Variants in EMCN observed in about 807,000 individuals in gnomAD.
EMCN encodes the protein MUC-14.
Under a neutral mutation model 38.4 loss-of-function variants are expected in EMCN, and 37 were observed. The ratio of observed to expected loss-of-function variants is 0.96; its 90% CI spans 0.74 to 1.27. The LOEUF is 1.27. EMCN is among the 50% of genes most tolerant of loss of function. EMCN has a pLI of 0.00. For synonymous variants in EMCN, 95 were observed against 100.8 expected, an observed-to-expected ratio of 0.94 and a Z score of 0.35; for missense variants, 318 against 302.8, an observed-to-expected ratio of 1.05 and a Z score of -0.37.
intron 4 of EMCN, among the ~76,000 whole-genome samples, chr4:100,463,245 T>A (rs2110261211): frequency 6.6e-6 from 1 of 152,260 alleles, no homozygotes; most frequent in East Asian, 1.9e-4. Context: ...GGTATTCCTA[T>A]CTCCCAATAT....
chr4:100,514,336 T>C (rs1729701473), intron 1 of EMCN, among the ~76,000 whole-genome samples: 1 of 152,040 alleles, frequency 6.6e-6, no homozygotes, highest in African/African-American at 2.4e-5. Context: ...CACATTCTCC[T>C]TCACTGCCAG....
In EMCN at chr4:100,424,173, T is replaced by C. The variant is rs115093842; in HGVS notation, c.416-769A>G. 6.8e-3 allele frequency among the ~76,000 whole-genome samples: 1,022 copies of C among 151,330 alleles called. 13 individuals carry two copies. The highest frequency in any genetic ancestry group is 0.023 in the African/African-American group (958 of 41,502). On this transcript the variant is annotated intron_variant, in intron 5 of 11. Coordinates refer to ENST00000296420, the MANE Select transcript of EMCN (RefSeq NM_016242.4). ...ATAAGTTTAAAGGAAATATAAATAA[T>C]TAAGTATTGTATAAGTTGAAAACAT...
intron 5 of EMCN, among the ~76,000 whole-genome samples, chr4:100,431,720 CA>C (rs1727204980): frequency 3.3e-5 from 1 of 29,954 alleles, no homozygotes; most frequent in South Asian, 2.5e-3. Flanking sequence ...TCTTACAATA[CA>C]TCTCTCTCTC....
Position 100,465,430 on chromosome 4 carries a change from T to C in EMCN, c.369A>G (p.Lys123=), listed in dbSNP as rs1347867999. The C allele has an allele frequency of 1.9e-6, 3 of 1,593,150 alleles. No homozygotes were observed. In the African/African-American group the frequency reaches 4.0e-5, roughly 21 times the overall value. ...ACAAATCCTCATACTTACTCTTGGG[T>C]TTGGAACTTTGTAATGTTGAAACAG... ...PNAVSTLQSS[K]PKTETQSSIK... is the part of the protein sequence containing the mutation. Residue 123 remains lysine, a synonymous_variant, in exon 4 of 12, where the codon AAA becomes AAG. Transcript: ENST00000296420.
intron 2 of EMCN, among the ~76,000 whole-genome samples, chr4:100,476,291 C>T (rs942327255): frequency 7.5e-5 from 11 of 146,740 alleles, no homozygotes; most frequent in Admixed American, 1.4e-4. Flanking sequence ...TTTTTCTTCT[C>T]TCCTTCTTGC....
At chr4:100,467,577 G>A (rs1439686600) in intron 3 of EMCN, among the ~76,000 whole-genome samples, 1 of 151,342 alleles carries the variant, frequency 6.6e-6, no homozygotes, top group Admixed American at 6.6e-5. Flanking sequence ...AGCTACTCGG[G>A]AGGCTGAGGC....
chr4:100,434,007 A>T (rs1012351529), intron 5 of EMCN, among the ~76,000 whole-genome samples: 1 of 152,164 alleles, frequency 6.6e-6, no homozygotes, highest in South Asian at 2.1e-4. Flanking sequence ...CTGGCAGAAG[A>T]CAAGAAATAA....
intron 5 of EMCN, among the ~76,000 whole-genome samples, chr4:100,434,145 G>A (rs1161009248): frequency 1.3e-5 from 2 of 151,894 alleles, no homozygotes; most frequent in African/African-American, 4.8e-5. Flanking sequence ...AAGAAGAAAG[G>A]AAAGAAGTAT....
intron 11 of EMCN, among the ~76,000 whole-genome samples, chr4:100,401,227 C>T (rs1255410012): frequency 6.6e-6 from 1 of 151,924 alleles, no homozygotes; most frequent in Non-Finnish European, 1.5e-5. Flanking sequence ...GTTCTATGTC[C>T]ACAGATTCAA....
chr4:100,513,037 T>C (rs1729668728), intron 1 of EMCN, among the ~76,000 whole-genome samples: 1 of 152,148 alleles, frequency 6.6e-6, no homozygotes, highest in Non-Finnish European at 1.5e-5. Context: ...TTCAAAGCTT[T>C]GTGAAACCCT....
intron 1 of EMCN, among the ~76,000 whole-genome samples, chr4:100,511,845 A>AT (rs1444130736): frequency 1.3e-5 from 2 of 151,782 alleles, no homozygotes; most frequent in African/African-American, 4.8e-5. Context: ...ATAAAAAAAA[A>AT]AATAGGAAGA....
chr4:100,506,312 T>C (rs1472263200), intron 1 of EMCN, among the ~76,000 whole-genome samples: 1 of 152,188 alleles, frequency 6.6e-6, no homozygotes, highest in African/African-American at 2.4e-5. Flanking sequence ...ATCTTTTCGA[T>C]ATCCATTGAG....
chr4:100,475,953 C>G (rs186633976), intron 2 of EMCN, among the ~76,000 whole-genome samples: 4 of 151,736 alleles, frequency 2.6e-5, no homozygotes, highest in African/African-American at 9.7e-5. Flanking sequence ...GGATTACAGG[C>G]GTGAGCCACT....
At chr4:100,428,957 T>A (rs1359815863) in intron 5 of EMCN, among the ~76,000 whole-genome samples, 4 of 152,064 alleles carry the variant, frequency 2.6e-5, no homozygotes, top group Non-Finnish European at 5.9e-5. Flanking sequence ...AGAGCAAGGA[T>A]CAAAATAGCA....
intron 3 of EMCN, among the ~76,000 whole-genome samples, chr4:100,473,302 C>T (rs1164774144): frequency 6.9e-6 from 1 of 145,492 alleles, no homozygotes; most frequent in Non-Finnish European, 1.5e-5. Context: ...GTTGGGATTA[C>T]AGGTGTGAGC....
intron 11 of EMCN, 125 bp downstream of exon 11, chr4:100,410,157 T>C: frequency 1.4e-6 from 1 of 704,416 alleles, no homozygotes; most frequent in South Asian, 1.8e-5. Flanking sequence ...TAGACAATGA[T>C]CATTGCATTG....
chr4:100,396,320 A>G lies in EMCN; in HGVS notation c.*2093T>C, dbSNP rs953364258. ...TAAATTTTATTCTTTTCTGACCATT[A>G]AAATTGTTCCCTCTTCCTAATTCTT... On this transcript the variant is annotated 3_prime_UTR_variant, in exon 12 of 12. Transcript: ENST00000296420. 3 of 152,112 alleles carry G rather than the reference A, an allele frequency of 2.0e-5. No individual in the cohort carries two copies. The highest frequency in any genetic ancestry group is 4.4e-5 in the Non-Finnish European group (3 of 68,010). 9.4% of individuals were successfully genotyped at this position (152,112 alleles called of 1,614,324 possible). A position where few individuals can be genotyped will look rare whatever the true frequency, so the allele number is the denominator to read the frequency against.
intron 4 of EMCN, among the ~76,000 whole-genome samples, chr4:100,464,707 G>A (rs1404151891): frequency 6.6e-6 from 1 of 151,842 alleles, no homozygotes; most frequent in Non-Finnish European, 1.5e-5. Context: ...TGCATTTCTG[G>A]GATAAATCTG....
At chr4:100,423,159 G>A in intron 6 of EMCN, 79 bp from the exon 7 acceptor site, 1 of 1,444,254 alleles carries the variant, frequency 6.9e-7, no homozygotes. Context: ...CTCATTTAAG[G>A]AAACAGCCAT....
Sources: allele counts gnomAD v4.1 joint callset (sites outside exome capture counted in the v4.1 genomes callset), GRCh38; gene constraint gnomAD v4.1.1; transcripts MANE v1.5; gene names NCBI Gene and HGNC (gene_info 2026-07-23, HGNC 2026-07-21).